The following FRMD4B variants were observed in gnomAD, a reference collection of about 807,000 sequenced individuals.
FRMD4B encodes FERM domain containing 4B, also known as FERM domain-containing protein 4B.
Under a neutral mutation model 141.5 loss-of-function variants are expected in FRMD4B, and 74 were observed. The ratio of observed to expected loss-of-function variants is 0.52; its 90% CI spans 0.43 to 0.63. The LOEUF (loss-of-function observed/expected upper bound fraction) is 0.63. Ranked by LOEUF, FRMD4B falls within the 30% of genes least tolerant of loss-of-function variation. FRMD4B has a pLI of 0.00. For synonymous variants in FRMD4B, 506 were observed against 467.9 expected (o/e 1.08, Z -1.05); for missense variants, 1,366 against 1,253.4 (o/e 1.09, Z -1.36).
chr3:69,375,813 T>C (rs1703958092), intron 1 of FRMD4B, among the ~76,000 whole-genome samples: 2 of 152,144 alleles, frequency 1.3e-5, no homozygotes, highest in African/African-American at 4.8e-5. Flanking sequence ...CTGAAGAGGA[T>C]AAAGGCACAA....
intron 1 of FRMD4B, among the ~76,000 whole-genome samples, chr3:69,316,314 T>C (rs748943349): frequency 3.9e-5 from 6 of 152,130 alleles, no homozygotes; most frequent in African/African-American, 7.2e-5. Flanking sequence ...GAGCAAGTCT[T>C]TATTAGCTCT....
Position 69,477,322 on chromosome 3 carries a change from T to G in FRMD4B, c.-128-44561A>C, listed in dbSNP as rs529270477. Among the ~76,000 whole-genome samples, 425 of 146,314 alleles carry G rather than the reference T, an allele frequency of 2.9e-3. 6 individuals are homozygous for G. Among genetic ancestry groups the G allele is most frequent in the Non-Finnish European group, 3.8e-3 (255 of 67,198 alleles). The stretch of plus-strand genomic sequence containing the variant: ...ATGCTTCCAGTTTTTGCCCATTCAG[T>G]ATGATATTGGCTGTGGGTTTGTCAT... On this transcript the variant is annotated intron_variant, in intron 1 of 5. Transcript: ENST00000459638.
intron 1 of FRMD4B, among the ~76,000 whole-genome samples, chr3:69,363,831 C>T (rs1703552249): frequency 6.6e-6 from 1 of 152,204 alleles, no homozygotes; most frequent in Admixed American, 6.5e-5. Context: ...GCTTCAAAAC[C>T]AGTGTACTGA....
At chr3:69,274,739 G>A (rs1266115017) in intron 5 of FRMD4B, among the ~76,000 whole-genome samples, 1 of 152,030 alleles carries the variant, frequency 6.6e-6, no homozygotes, top group Non-Finnish European at 1.5e-5. Flanking sequence ...GGCTGGTCTC[G>A]TACTCCTGGC....
intron 1 of FRMD4B, among the ~76,000 whole-genome samples, chr3:69,526,395 T>G (rs908114734): frequency 1.3e-5 from 2 of 152,180 alleles, no homozygotes; most frequent in Non-Finnish European, 2.9e-5. Flanking sequence ...GCCTGACTGA[T>G]GTTTCCCAGG....
Position 69,176,649 on chromosome 3 carries a change from A to G in FRMD4B, c.2859T>C (p.Ser953=). 1 of 1,593,434 alleles carries G rather than the reference A, an allele frequency of 6.3e-7. No individual in the cohort carries two copies. The highest frequency in any genetic ancestry group is 8.6e-7 in the Non-Finnish European group (1 of 1,166,006). ...SRASSYSSVS[S]TNASGNWRTQ... ...TCCTCCAGTTCCCAGAAGCATTTGT[A>G]GAAGACACTGGAAATAAAAATGGAA... The change falls in exon 22 of 23, where the codon TCT becomes TCC. Residue 953 remains serine (S), a synonymous_variant. Coordinates refer to ENST00000398540, the MANE Select transcript of FRMD4B (RefSeq NM_015123.3).
At chr3:69,200,962 T>G (rs1313879084) in intron 11 of FRMD4B, 1 of 426,848 alleles carries the variant, frequency 2.3e-6, no homozygotes, top group Non-Finnish European at 4.7e-6. Flanking sequence ...CTTACAAATG[T>G]GAAACCCTAG....
intron 3 of FRMD4B, among the ~76,000 whole-genome samples, chr3:69,310,244 C>T (rs182656456): frequency 3.2e-4 from 48 of 152,310 alleles, no homozygotes; most frequent in Non-Finnish European, 6.5e-4. Flanking sequence ...GCTCACAGCC[C>T]ACCCAGGCTG....
intron 11 of FRMD4B, among the ~76,000 whole-genome samples, chr3:69,215,211 T>C (rs767155632): frequency 6.0e-5 from 9 of 149,410 alleles, no homozygotes; most frequent in African/African-American, 1.7e-4. Context: ...AACAGCTTCA[T>C]AGTAAAATTT....
At chr3:69,274,492 C>A (rs924369688) in intron 5 of FRMD4B, among the ~76,000 whole-genome samples, 6 of 152,102 alleles carry the variant, frequency 3.9e-5, no homozygotes, top group African/African-American at 1.4e-4. Flanking sequence ...ATTTTGCCAT[C>A]TATTTGTTGA....
At chr3:69,388,510 T>C (rs756000812), upstream of FRMD4B, among the ~76,000 whole-genome samples, 7 of 152,010 alleles carry the variant, frequency 4.6e-5, no homozygotes, top group Non-Finnish European at 1.0e-4. Context: ...CATGCTAAAA[T>C]TAGAGAACTA....
intron 1 of FRMD4B, among the ~76,000 whole-genome samples, chr3:69,355,989 C>T (rs1703307743): frequency 6.6e-6 from 1 of 152,066 alleles, no homozygotes; most frequent in African/African-American, 2.4e-5. Flanking sequence ...CACACCACTG[C>T]ACTCCAGCCT....
chr3:69,331,550 T>A (rs551717733), intron 1 of FRMD4B, among the ~76,000 whole-genome samples: 2 of 152,344 alleles, frequency 1.3e-5, no homozygotes, highest in East Asian at 3.9e-4. Flanking sequence ...AGTGTCAGGG[T>A]CAAGAGCACA....
intron 11 of FRMD4B, among the ~76,000 whole-genome samples, chr3:69,211,563 A>C (rs1412711501): frequency 1.3e-5 from 2 of 152,212 alleles, no homozygotes; most frequent in Non-Finnish European, 2.9e-5. Flanking sequence ...GAGATCTTGG[A>C]ACAACTCCTT....
chr3:69,227,088 G>A (rs3924641), intron 7 of FRMD4B, among the ~76,000 whole-genome samples: 1,654 of 152,246 alleles, frequency 0.011, 25 homozygotes, highest in African/African-American at 0.038. Context: ...ATGAAGTTTA[G>A]TCTTCAGCAT....
intron 2 of FRMD4B, among the ~76,000 whole-genome samples, chr3:69,415,870 TACTC>T (rs1385557349): frequency 6.6e-6 from 1 of 152,200 alleles, no homozygotes; most frequent in Non-Finnish European, 1.5e-5. Flanking sequence ...AATAAAGAAA[TACTC>T]AGTGTATTCG....
chr3:69,451,390 T>C (rs1444456211), intron 1 of FRMD4B, among the ~76,000 whole-genome samples: 2 of 152,182 alleles, frequency 1.3e-5, no homozygotes, highest in African/African-American at 4.8e-5. Flanking sequence ...TGATAAGGTT[T>C]ATGAAGCTGT....
chr3:69,239,838 C>T (rs1223087372), intron 7 of FRMD4B, among the ~76,000 whole-genome samples: 1 of 151,982 alleles, frequency 6.6e-6, no homozygotes, highest in Non-Finnish European at 1.5e-5. Context: ...GGGTGGATTG[C>T]CTCAAGAGTT....
At chr3:69,213,655 T>C (rs1027913110) in intron 11 of FRMD4B, among the ~76,000 whole-genome samples, 1 of 108,030 alleles carries the variant, frequency 9.3e-6, no homozygotes, top group African/African-American at 3.2e-5. Flanking sequence ...GCTGTTGTTT[T>C]CATTGATTTT....
Sources: allele counts gnomAD v4.1 joint callset (sites outside exome capture counted in the v4.1 genomes callset), GRCh38; gene constraint gnomAD v4.1.1; transcripts MANE v1.5; gene names NCBI Gene and HGNC (gene_info 2026-07-23, HGNC 2026-07-21).